The following IL1RAPL1 variants were observed in gnomAD, a reference collection of about 807,000 sequenced individuals.
IL1RAPL1 encodes interleukin-1 receptor accessory protein-like 1.
In IL1RAPL1, 3 loss-of-function variants were observed where a neutral mutation model predicts 48.4. The ratio of observed to expected loss-of-function variants is 0.06; its 90% CI spans 0.03 to 0.16. IL1RAPL1 has a LOEUF of 0.16. Ranked by LOEUF, IL1RAPL1 falls within the 10% of genes least tolerant of loss-of-function variation. The pLI, the probability that IL1RAPL1 is intolerant of heterozygous loss-of-function variation, is 1.00. For missense variants in IL1RAPL1, 349 were observed against 530.6 expected (o/e 0.66, Z 3.36); for synonymous variants, 185 against 187.7 (o/e 0.99, Z 0.12).
In IL1RAPL1 at chrX:28,796,962, G is replaced by A. The variant is rs1420316593; in HGVS notation, c.82+7537G>A. 2.7e-5 allele frequency among the ~76,000 whole-genome samples: 3 copies of A among 112,398 alleles called. No homozygotes were observed. In the Admixed American group the frequency reaches 2.8e-4, roughly 11 times the overall value. On this transcript the variant is annotated intron_variant, in intron 2 of 10. Coordinates refer to ENST00000378993, the MANE Select transcript of IL1RAPL1 (RefSeq NM_014271.4). ...ATACATTTTCTGAAATCTAGGTGGAGGTCACCAAACTTCAATTCTTGACTT... is the reference window on the plus strand; with the variant it reads ...ATACATTTTCTGAAATCTAGGTGGAAGTCACCAAACTTCAATTCTTGACTT...
intron 5 of IL1RAPL1, among the ~76,000 whole-genome samples, chrX:29,495,885 C>G (rs947319135): frequency 1.8e-5 from 2 of 110,908 alleles, no homozygotes; most frequent in African/African-American, 6.6e-5. Context: ...TCCTCTCTCT[C>G]TCTCTCTCTG....
chrX:28,789,610 C>A (rs1354690695), intron 2 of IL1RAPL1, among the ~76,000 whole-genome samples, 185 bp downstream of exon 2: 1 of 111,965 alleles, frequency 8.9e-6, no homozygotes, highest in East Asian at 2.8e-4. Flanking sequence ...AGAGTGGATT[C>A]AAAAGAATGT....
intron 6 of IL1RAPL1, among the ~76,000 whole-genome samples, chrX:29,856,038 C>T (rs1459049723): frequency 9.0e-6 from 1 of 111,708 alleles, no homozygotes; most frequent in Non-Finnish European, 1.9e-5. Context: ...AAGAAAAGTG[C>T]GTATACCTAC....
chrX:29,125,067 C>G (rs1928872301), intron 2 of IL1RAPL1, among the ~76,000 whole-genome samples: 1 of 111,984 alleles, frequency 8.9e-6, no homozygotes, highest in Non-Finnish European at 1.9e-5. Context: ...TAAACATGAC[C>G]AAGATTTATT....
chrX:29,511,003 T>A (rs1435791216), intron 5 of IL1RAPL1, among the ~76,000 whole-genome samples: 2 of 111,911 alleles, frequency 1.8e-5, no homozygotes, highest in African/African-American at 6.5e-5. Flanking sequence ...TTGAACTCCT[T>A]CTTTATAGTC....
At chrX:28,914,295 A>G (rs944668312) in intron 2 of IL1RAPL1, among the ~76,000 whole-genome samples, 2 of 111,059 alleles carry the variant, frequency 1.8e-5, no homozygotes, top group African/African-American at 6.5e-5. Context: ...TAGGGAATTA[A>G]CATAAGCACA....
intron 1 of IL1RAPL1, among the ~76,000 whole-genome samples, chrX:28,756,292 A>G (rs944386445): frequency 1.3e-4 from 14 of 111,145 alleles, no homozygotes; most frequent in African/African-American, 4.6e-4. Context: ...TCCTTTCACT[A>G]TAATGTGTCC....
chrX:29,252,174 G>C (rs1278145101), intron 2 of IL1RAPL1, among the ~76,000 whole-genome samples: 1 of 112,521 alleles, frequency 8.9e-6, no homozygotes, highest in Non-Finnish European at 1.9e-5. Context: ...TAGATGACGA[G>C]TTAGTGGGTG....
At chrX:29,713,304 AT>A (rs1332412160) in intron 6 of IL1RAPL1, among the ~76,000 whole-genome samples, 1 of 111,998 alleles carries the variant, frequency 8.9e-6, no homozygotes, top group Non-Finnish European at 1.9e-5. Flanking sequence ...GTGTATACTA[AT>A]TATACAGTTC....
intron 5 of IL1RAPL1, among the ~76,000 whole-genome samples, chrX:29,620,437 A>G (rs769316463): frequency 1.8e-5 from 2 of 112,018 alleles, no homozygotes; most frequent in African/African-American, 6.5e-5. Flanking sequence ...CAGATGTAAT[A>G]CAATGATATT....
intron 5 of IL1RAPL1, among the ~76,000 whole-genome samples, chrX:29,481,033 TTTG>T (rs1173994431): frequency 1.4e-4 from 16 of 112,155 alleles, no homozygotes; most frequent in Non-Finnish European, 3.0e-4. Context: ...AATTTTAAAT[TTTG>T]TTGTTGTTGA....
At chrX:29,448,138 A>T (rs1934633714) in intron 5 of IL1RAPL1, among the ~76,000 whole-genome samples, 1 of 111,622 alleles carries the variant, frequency 9.0e-6, no homozygotes, top group Non-Finnish European at 1.9e-5. Flanking sequence ...GGTCATGGGG[A>T]ACCACTGAGA....
chrX:29,146,160 CCGCT>C (rs779796210), intron 2 of IL1RAPL1, among the ~76,000 whole-genome samples: 6 of 111,995 alleles, frequency 5.4e-5, no homozygotes, highest in Non-Finnish European at 1.1e-4. Context: ...ACCTCATCTA[CCGCT>C]ACCTTTCCCT....
chrX:29,357,300 TA>T (rs781360609), intron 3 of IL1RAPL1, among the ~76,000 whole-genome samples: 1 of 112,168 alleles, frequency 8.9e-6, no homozygotes, highest in African/African-American at 3.2e-5. Context: ...CTTCAGTGAG[TA>T]AATGACAAAA....
At chrX:28,852,422 T>A (rs112844260) in intron 2 of IL1RAPL1, among the ~76,000 whole-genome samples, 11 of 110,735 alleles carry the variant, frequency 9.9e-5, no homozygotes, top group African/African-American at 3.3e-4. Flanking sequence ...TTTGTGTATT[T>A]TATGGTGTAC....
At chrX:29,839,075 A>G (rs774787784) in intron 6 of IL1RAPL1, among the ~76,000 whole-genome samples, 85 of 112,515 alleles carry the variant, frequency 7.6e-4, no homozygotes, top group Admixed American at 1.7e-3. Context: ...CATTGGCAAA[A>G]TGGCCAAGCC....
At chrX:29,080,990 T>TC (rs1569232777) in intron 2 of IL1RAPL1, among the ~76,000 whole-genome samples, 44 of 28,164 alleles carry the variant, frequency 1.6e-3, no homozygotes, top group East Asian at 7.4e-3. Context: ...CTTTCTTTCT[T>TC]TCTTTCTCTC....
At chrX:29,593,942 C>T (rs1307058849) in intron 5 of IL1RAPL1, among the ~76,000 whole-genome samples, 1 of 111,894 alleles carries the variant, frequency 8.9e-6, no homozygotes, top group African/African-American at 3.2e-5. Flanking sequence ...ACATTGTTCA[C>T]TCTCTATTTT....
At chrX:29,148,746 G>A (rs945029779) in intron 2 of IL1RAPL1, among the ~76,000 whole-genome samples, 7 of 111,516 alleles carry the variant, frequency 6.3e-5, no homozygotes, top group African/African-American at 2.3e-4. Context: ...TTGAAGTAGC[G>A]GTTGCACAAT....
Sources: gnomAD v4.1 joint callset for allele counts (sites outside exome capture counted in the v4.1 genomes callset) on GRCh38, gnomAD v4.1.1 for gene constraint, MANE v1.5 for transcripts, NCBI Gene and HGNC (gene_info 2026-07-23, HGNC 2026-07-21) for gene names.